The following CREB5 variants were observed in gnomAD, a reference collection of about 807,000 sequenced individuals.
The protein encoded by CREB5 is cyclic AMP-responsive element-binding protein 5.
A neutral mutation model predicts 57.1 loss-of-function variants in CREB5; 19 were observed. That is an observed-to-expected ratio of 0.33 (90% CI 0.23 to 0.49). The LOEUF (loss-of-function observed/expected upper bound fraction) is 0.49. Among genes scored for constraint, CREB5 ranks in the 20% least tolerant of loss-of-function variants. The pLI is 0.99. For synonymous variants in CREB5, 238 were observed against 238.3 expected (o/e 1.00, Z 0.01); for missense variants, 579 against 671.6 (o/e 0.86, Z 1.52).
intron 5 of CREB5, among the ~76,000 whole-genome samples, chr7:28,652,064 T>C (rs1799147689): frequency 6.6e-6 from 1 of 152,188 alleles, no homozygotes; most frequent in African/African-American, 2.4e-5. Flanking sequence ...ACAAATGTGT[T>C]AAAATAGCCA....
chr7:28,316,535 C>A (rs1039757220), intron 1 of CREB5, among the ~76,000 whole-genome samples: 4 of 151,768 alleles, frequency 2.6e-5, no homozygotes, highest in African/African-American at 9.7e-5. Context: ...TCAGTGAATG[C>A]TGCAGAAATG....
At position 28,785,679 on chromosome 7, in the gene CREB5, A is replaced by G. The variant is rs1280651224; in HGVS notation, c.703-18520A>G. The stretch of plus-strand genomic sequence containing the variant: ...TGCAGGGTTTTGTGCTTTCATTGGC[A>G]TTTTCAGTCCTGGCTGTGCTAGGCC... On this transcript the variant is annotated intron_variant, in intron 7 of 10. Coordinates refer to ENST00000357727, the MANE Select transcript of CREB5 (RefSeq NM_182898.4). 2.0e-5 allele frequency among the ~76,000 whole-genome samples: 3 copies of G among 152,094 alleles called. No individual in the cohort carries two copies. The East Asian group carries it at 5.8e-4, about 29-fold the overall frequency.
chr7:28,324,276 CCTT>C (rs1785541500), intron 1 of CREB5, among the ~76,000 whole-genome samples: 1 of 152,088 alleles, frequency 6.6e-6, no homozygotes, highest in South Asian at 2.1e-4. Flanking sequence ...TCAGAGCAAA[CCTT>C]CTTTAAGAGC....
chr7:28,435,483 C>A, intron 1 of CREB5: 1 of 205,044 alleles, frequency 4.9e-6, no homozygotes, highest in Non-Finnish European at 8.4e-6. Flanking sequence ...GCTCTAGTGG[C>A]CTCTAGCTTC....
intron 5 of CREB5, among the ~76,000 whole-genome samples, chr7:28,686,725 T>A (rs1800949575): frequency 6.6e-6 from 1 of 152,238 alleles, no homozygotes; most frequent in Non-Finnish European, 1.5e-5. Context: ...ATTTACCTGC[T>A]CTCAAGGGGT....
intron 1 of CREB5, among the ~76,000 whole-genome samples, chr7:28,334,398 C>A (rs150560568): frequency 2.2e-3 from 337 of 152,284 alleles, no homozygotes; most frequent in African/African-American, 7.6e-3. Flanking sequence ...CTCAAGTGAT[C>A]TGCCCACCTT....
chr7:28,580,708 C>T (rs1466706000), intron 5 of CREB5, among the ~76,000 whole-genome samples: 1 of 151,878 alleles, frequency 6.6e-6, no homozygotes, highest in Non-Finnish European at 1.5e-5. Flanking sequence ...ATTATTATTG[C>T]CATTAGGAAT....
At chr7:28,762,936 T>G (rs1451165699) in intron 7 of CREB5, among the ~76,000 whole-genome samples, 1 of 152,186 alleles carries the variant, frequency 6.6e-6, no homozygotes, top group Non-Finnish European at 1.5e-5. Flanking sequence ...CAAAAGATCT[T>G]ATTTATAAAA....
intron 1 of CREB5, among the ~76,000 whole-genome samples, chr7:28,422,423 A>T (rs1788307852): frequency 1.3e-5 from 2 of 152,188 alleles, no homozygotes; most frequent in Non-Finnish European, 2.9e-5. Context: ...AGAAGCAGTA[A>T]GAAGGAGGGC....
At chr7:28,736,461 G>T (rs140357412) in intron 7 of CREB5, among the ~76,000 whole-genome samples, 26 of 152,286 alleles carry the variant, frequency 1.7e-4, no homozygotes, top group African/African-American at 6.0e-4. Context: ...GAGCCACTGC[G>T]CCGGACCCCA....
intron 1 of CREB5, among the ~76,000 whole-genome samples, chr7:28,312,523 G>T (rs73080565): frequency 0.12 from 17,862 of 152,094 alleles, 1,215 homozygotes; most frequent in African/African-American, 0.18. Context: ...GGAGGGAAGC[G>T]GGTGGAGGCG....
intron 7 of CREB5, among the ~76,000 whole-genome samples, chr7:28,801,717 A>G (rs1055605248): frequency 6.6e-6 from 1 of 152,196 alleles, no homozygotes; most frequent in Non-Finnish European, 1.5e-5. Flanking sequence ...AAATTTTTAT[A>G]ATAAGCATTT....
chr7:28,356,843 G>A (rs1026637289), intron 1 of CREB5, among the ~76,000 whole-genome samples: 7 of 152,136 alleles, frequency 4.6e-5, no homozygotes, highest in Non-Finnish European at 1.0e-4. Context: ...GTCGTCAGCC[G>A]GAGCTAAGTC....
intron 5 of CREB5, among the ~76,000 whole-genome samples, chr7:28,572,785 T>C (rs1306549919): frequency 6.6e-6 from 1 of 152,218 alleles, no homozygotes; most frequent in Non-Finnish European, 1.5e-5. Context: ...GGGTGACATT[T>C]GTAGGCTGTG....
chr7:28,751,375 C>A (rs891113351), intron 7 of CREB5, among the ~76,000 whole-genome samples: 5 of 152,190 alleles, frequency 3.3e-5, no homozygotes, highest in African/African-American at 1.2e-4. Flanking sequence ...GCATGTTGGC[C>A]ATGTGAAGAT....
At chr7:28,708,657 G>A (rs1309168838) in intron 5 of CREB5, among the ~76,000 whole-genome samples, 1 of 152,168 alleles carries the variant, frequency 6.6e-6, no homozygotes. Context: ...TTGCCATTCA[G>A]CTGCAAAATT....
At chr7:28,688,363 A>G (rs1233850512) in intron 5 of CREB5, among the ~76,000 whole-genome samples, 1 of 152,234 alleles carries the variant, frequency 6.6e-6, no homozygotes, top group African/African-American at 2.4e-5. Context: ...AATGGTGCCA[A>G]AAATGCAGCA....
At chr7:28,533,419 G>A (rs990732937) in intron 4 of CREB5, among the ~76,000 whole-genome samples, 1 of 152,182 alleles carries the variant, frequency 6.6e-6, no homozygotes, top group Non-Finnish European at 1.5e-5. Context: ...TGGACACTCT[G>A]GTGACCATAC....
chr7:28,347,878 A>G (rs1426434297), intron 1 of CREB5, among the ~76,000 whole-genome samples: 1 of 152,210 alleles, frequency 6.6e-6, no homozygotes, highest in Non-Finnish European at 1.5e-5. Flanking sequence ...CGAATTCCCT[A>G]TAATTCAAAC....
Sources: allele counts gnomAD v4.1 joint callset (sites outside exome capture counted in the v4.1 genomes callset), GRCh38; gene constraint gnomAD v4.1.1; transcripts MANE v1.5; gene names NCBI Gene and HGNC (gene_info 2026-07-23, HGNC 2026-07-21).